The following CYYR1 variants were observed in gnomAD, a reference collection of about 807,000 sequenced individuals.
The protein encoded by CYYR1 is cysteine and tyrosine-rich protein 1.
Under a neutral mutation model 15.2 loss-of-function variants are expected in CYYR1, and 14 were observed. The observed-to-expected ratio is 0.92, with a 90% CI of 0.61 to 1.44. The LOEUF (loss-of-function observed/expected upper bound fraction) is 1.44. CYYR1 is among the 40% of genes most tolerant of loss of function. CYYR1 has a pLI of 0.00. For missense variants in CYYR1, 228 were observed against 209.5 expected (o/e 1.09, Z -0.54); for synonymous variants, 80 against 77.4 (o/e 1.03, Z -0.18).
intron 2 of CYYR1, among the ~76,000 whole-genome samples, chr21:26,502,736 T>C (rs1839660839): frequency 6.6e-6 from 1 of 152,138 alleles, no homozygotes; most frequent in Admixed American, 6.6e-5. Flanking sequence ...ATTTTCTGTT[T>C]CCTATTGTTT....
rs1480527060 is a variant in CYYR1 at position 26,541,073 on chromosome 21, A to G, written c.176+25193T>C. Among the ~76,000 whole-genome samples the G allele has an allele frequency of 2.0e-5, 3 of 152,302 alleles. No individual in the cohort carries two copies. In the East Asian group the frequency reaches 5.8e-4, roughly 29 times the overall value. On this transcript the variant is annotated intron_variant, in intron 2 of 3. Transcript: ENST00000652641. ...GAGTCAGTGACGTGAAGGTATCTCAATCAAAACTATATAATCTAGAGAGCA... is the reference window on the plus strand; with the variant it reads ...GAGTCAGTGACGTGAAGGTATCTCAGTCAAAACTATATAATCTAGAGAGCA...
chr21:26,543,641 C>A (rs1038516477), intron 2 of CYYR1, among the ~76,000 whole-genome samples: 1 of 152,164 alleles, frequency 6.6e-6, no homozygotes. Context: ...CGTGGTGGCT[C>A]ACGCCTGTAA....
chr21:26,523,256 A>G (rs1326653576), intron 2 of CYYR1, among the ~76,000 whole-genome samples: 4 of 152,128 alleles, frequency 2.6e-5, no homozygotes, highest in Admixed American at 6.6e-5. Flanking sequence ...CCTCTAAAAC[A>G]TATTCTGAAT....
chr21:26,548,594 C>G (rs1363617448), intron 2 of CYYR1, among the ~76,000 whole-genome samples: 1 of 152,220 alleles, frequency 6.6e-6, no homozygotes, highest in Non-Finnish European at 1.5e-5. Context: ...AACTATCCTC[C>G]CACCTCAGCA....
At chr21:26,477,194 T>G (rs992744313) in intron 3 of CYYR1, among the ~76,000 whole-genome samples, 2 of 152,168 alleles carry the variant, frequency 1.3e-5, no homozygotes, top group African/African-American at 4.8e-5. Flanking sequence ...TCAATTATCA[T>G]AGGGTTAATT....
intron 2 of CYYR1, among the ~76,000 whole-genome samples, chr21:26,524,750 A>C (rs771037530): frequency 3.9e-5 from 6 of 152,160 alleles, no homozygotes; most frequent in Non-Finnish European, 7.3e-5. Flanking sequence ...ATTATCAAGA[A>C]TAAACTGCCA....
intron 3 of CYYR1, among the ~76,000 whole-genome samples, chr21:26,475,377 CATAA>C (rs2123380182): frequency 6.6e-6 from 1 of 152,238 alleles, no homozygotes; most frequent in African/African-American, 2.4e-5. Flanking sequence ...ATATGCTGTA[CATAA>C]ATAAATTGTC....
At chr21:26,512,202 T>A (rs1490927742) in intron 2 of CYYR1, among the ~76,000 whole-genome samples, 1 of 152,012 alleles carries the variant, frequency 6.6e-6, no homozygotes, top group Non-Finnish European at 1.5e-5. Context: ...CCTCTTTTTT[T>A]ATTTATTTTT....
At chr21:26,562,592 A>G (rs55850110) in intron 2 of CYYR1, among the ~76,000 whole-genome samples, 7,326 of 152,154 alleles carry the variant, frequency 0.048, 220 homozygotes, top group Non-Finnish European at 0.06. Context: ...CCTTTCTTGT[A>G]TCTTTGACTT....
rs933188150 is a variant in CYYR1, at chr21:26,562,753, CACACACAG to C, written c.176+3505_176+3512del. 9.5e-5 allele frequency among the ~76,000 whole-genome samples: 14 copies of C among 147,904 alleles called. No homozygotes were observed. In the East Asian group the frequency reaches 9.9e-4, roughly 10 times the overall value. The stretch of plus-strand genomic sequence containing the variant: ...ACACACACACACACACACACACACA[CACACACAG>C]AGACATACACAAACACACACACACA... On this transcript the variant is annotated intron_variant, in intron 2 of 3. Coordinates refer to ENST00000652641, the MANE Select transcript of CYYR1 (RefSeq NM_001320768.2).
chr21:26,484,197 G>A (rs2065221819), intron 2 of CYYR1, among the ~76,000 whole-genome samples: 1 of 151,998 alleles, frequency 6.6e-6, no homozygotes. Flanking sequence ...GATTATATGG[G>A]GACTACACAA....
At chr21:26,508,161 T>A (rs1294325691) in intron 2 of CYYR1, among the ~76,000 whole-genome samples, 2 of 152,304 alleles carry the variant, frequency 1.3e-5, no homozygotes, top group East Asian at 3.9e-4. Flanking sequence ...GTCACAGATG[T>A]GTGAAATAGC....
At chr21:26,493,745 C>T (rs2065359179) in intron 2 of CYYR1, among the ~76,000 whole-genome samples, 1 of 152,082 alleles carries the variant, frequency 6.6e-6, no homozygotes, top group Admixed American at 6.6e-5. Context: ...ATGGATCAGG[C>T]CCAGAAAGGT....
chr21:26,504,176 A>G (rs2065522037), intron 2 of CYYR1, among the ~76,000 whole-genome samples: 1 of 152,134 alleles, frequency 6.6e-6, no homozygotes, highest in Non-Finnish European at 1.5e-5. Context: ...GTCACCAGTA[A>G]CAGACACCAA....
At chr21:26,562,799 AACAC>A (rs57351372) in intron 2 of CYYR1, among the ~76,000 whole-genome samples, 67 of 132,604 alleles carry the variant, frequency 5.1e-4, no homozygotes, top group East Asian at 9.3e-4. Flanking sequence ...GACATACACA[AACAC>A]ACACACACAC....
intron 1 of CYYR1, among the ~76,000 whole-genome samples, chr21:26,571,832 G>A (rs67851275): frequency 0.13 from 19,951 of 152,110 alleles, 1,397 homozygotes; most frequent in South Asian, 0.17. Context: ...CATTTTTCCT[G>A]CCATAAAACA....
At chr21:26,554,043 A>G (rs972432476) in intron 2 of CYYR1, among the ~76,000 whole-genome samples, 1 of 152,192 alleles carries the variant, frequency 6.6e-6, no homozygotes, top group Admixed American at 6.5e-5. Flanking sequence ...CATCGGAGGC[A>G]AGTTGTTGTG....
intron 2 of CYYR1, among the ~76,000 whole-genome samples, chr21:26,516,267 G>A (rs1054813652): frequency 8.6e-5 from 13 of 151,928 alleles, no homozygotes; most frequent in African/African-American, 3.1e-4. Flanking sequence ...AGTTTATAAG[G>A]GCCCTTTGAA....
chr21:26,510,063 T>C (rs2065625481), intron 2 of CYYR1, among the ~76,000 whole-genome samples: 2 of 152,196 alleles, frequency 1.3e-5, no homozygotes, highest in Non-Finnish European at 2.9e-5. Flanking sequence ...ATGGCTTCAA[T>C]TTAGGTATCC....
Sources: allele counts gnomAD v4.1 joint callset (sites outside exome capture counted in the v4.1 genomes callset), GRCh38; gene constraint gnomAD v4.1.1; transcripts MANE v1.5; gene names NCBI Gene and HGNC (gene_info 2026-07-23, HGNC 2026-07-21).